The following TMBIM6 variants were observed in gnomAD, a reference collection of about 807,000 sequenced individuals.
TMBIM6 encodes transmembrane BAX inhibitor motif containing 6.
Under a neutral mutation model 31.4 loss-of-function variants are expected in TMBIM6, and 13 were observed. The ratio of observed to expected loss-of-function variants is 0.41; its 90% CI spans 0.27 to 0.66. The LOEUF (loss-of-function observed/expected upper bound fraction) is 0.66, where lower values mean the gene tolerates loss of function less well. TMBIM6 is among the 30% of genes least tolerant of loss of function. TMBIM6 has a pLI of 0.28. For missense variants in TMBIM6, 275 were observed against 289.5 expected (o/e 0.95, Z 0.36); for synonymous variants, 85 against 101.7 (o/e 0.84, Z 0.99).
chr12:49,742,345 A>G (rs1945312692), intron 1 of TMBIM6: 13 of 1,507,596 alleles, frequency 8.6e-6, no homozygotes, highest in Non-Finnish European at 1.1e-5. Flanking sequence ...CTGCTCAGCA[A>G]GGGCGTCGTT....
chr12:49,741,958 C>T (rs181265043), intron 1 of TMBIM6: 454 of 907,646 alleles, frequency 5.0e-4, no homozygotes, highest in Non-Finnish European at 1.4e-4. Context: ...TAAGTGTAGA[C>T]GCAGGGCCCC....
intron 8 of TMBIM6, among the ~76,000 whole-genome samples, chr12:49,760,111 CAAAAAA>C (rs796352103): frequency 1.6e-4 from 13 of 83,512 alleles, no homozygotes; most frequent in African/African-American, 2.6e-4. Context: ...GACTCCTTCT[CAAAAAA>C]AAAAAAAAAA....
chr12:49,756,524 A>G (rs1315820765), intron 4 of TMBIM6, among the ~76,000 whole-genome samples: 2 of 144,488 alleles, frequency 1.4e-5, no homozygotes, highest in African/African-American at 5.2e-5. Flanking sequence ...GCTCATTGCA[A>G]TCTCTGCCTC....
At chr12:49,746,157 A>T (rs28654319) in intron 1 of TMBIM6, among the ~76,000 whole-genome samples, 13,572 of 149,880 alleles carry the variant, frequency 0.091, 1,125 homozygotes, top group African/African-American at 0.23. Flanking sequence ...ATCTCGGCTC[A>T]CTGCAACCTC....
chr12:49,759,150 A>G, intron 7 of TMBIM6, 71 bp from the exon 8 acceptor site: 2 of 1,326,318 alleles, frequency 1.5e-6, no homozygotes, highest in East Asian at 2.3e-5. Context: ...ACTATGAGCC[A>G]GAAAGTATGG....
At chr12:49,749,435 A>ATTTTTTTTTTTT (rs372622355) in intron 1 of TMBIM6, among the ~76,000 whole-genome samples, 1,575 of 136,172 alleles carry the variant, frequency 0.012, 66 homozygotes, top group African/African-American at 0.045. Context: ...TTTGTAAGTC[A>ATTTTTTTTTTTT]TTTTTGTTTT....
intron 3 of TMBIM6, among the ~76,000 whole-genome samples, chr12:49,755,384 G>A (rs923944110): frequency 2.0e-5 from 3 of 152,102 alleles, no homozygotes; most frequent in African/African-American, 7.2e-5. Flanking sequence ...TTGGGTAGTT[G>A]TACTGTAGTT....
chr12:49,744,392 C>T (rs747693644), intron 1 of TMBIM6: 4 of 152,014 alleles, frequency 2.6e-5, no homozygotes, highest in Non-Finnish European at 5.9e-5. Context: ...TGTCTTCTAC[C>T]ACTCTGTTTT....
chr12:49,761,785 T>C lies in TMBIM6; in HGVS notation c.690+6T>C, dbSNP rs1945724605. 10 of 1,614,028 alleles carry C rather than the reference T, an allele frequency of 6.2e-6. No homozygotes were observed. The highest frequency in any genetic ancestry group is 8.5e-6 in the Non-Finnish European group (10 of 1,179,882). On this transcript the variant is annotated splice_donor_region_variant and intron_variant, in intron 9 of 9. Coordinates refer to ENST00000267115, the MANE Select transcript of TMBIM6 (RefSeq NM_003217.3). ...TCCTGGCCATGAATGAAAAGGTTAG[T>C]TAGCCTACAACCCAAAGATGAGACA...
At chr12:49,755,580 A>T in intron 3 of TMBIM6, 55 bp from the exon 4 acceptor site, 1 of 1,599,934 alleles carries the variant, frequency 6.3e-7, no homozygotes, top group Non-Finnish European at 8.5e-7. Flanking sequence ...GTCTCTTGCA[A>T]AATAAATTTG....
chr12:49,757,219 T>C (rs1309044217), intron 4 of TMBIM6, among the ~76,000 whole-genome samples: 1 of 152,194 alleles, frequency 6.6e-6, no homozygotes, highest in African/African-American at 2.4e-5. Context: ...CCCCATCCAT[T>C]AGGGGAAACT....
intron 1 of TMBIM6, among the ~76,000 whole-genome samples, chr12:49,747,828 A>G (rs1387940427): frequency 1.3e-5 from 2 of 152,150 alleles, no homozygotes; most frequent in South Asian, 2.1e-4. Context: ...GCTTTTGGCT[A>G]CTTCAGCATG....
At chr12:49,743,136 C>G (rs1337301904) in intron 1 of TMBIM6, among the ~76,000 whole-genome samples, 2 of 151,938 alleles carry the variant, frequency 1.3e-5, no homozygotes, top group Admixed American at 1.3e-4. Context: ...TGGACGTCAC[C>G]AGCTCCAGCT....
intron 1 of TMBIM6, among the ~76,000 whole-genome samples, chr12:49,744,983 T>A (rs933788656): frequency 2.0e-5 from 3 of 152,012 alleles, no homozygotes; most frequent in African/African-American, 7.3e-5. Flanking sequence ...AGGCATTTCA[T>A]CTCCAGTTAC....
chr12:49,742,150 C>G (rs1456626166), intron 1 of TMBIM6: 1 of 1,612,324 alleles, frequency 6.2e-7, no homozygotes, highest in South Asian at 1.1e-5. Context: ...TCACACTCCT[C>G]TGTGACACGC....
In TMBIM6 at chr12:49,753,061, A is replaced by C. The variant is rs1488494219; in HGVS notation, c.145A>C (p.Met49Leu). The C allele has an allele frequency of 1.2e-6, 2 of 1,613,628 alleles. No homozygotes were observed. Among genetic ancestry groups the C allele is most frequent in the East Asian group, 4.5e-5 (2 of 44,866 alleles). Residue 49 changes from methionine (M) to leucine (L), a missense_variant, in exon 3 of 10, where the codon ATG (methionine) becomes CTG (leucine). Transcript: ENST00000267115. ...FVAAAGAYVH[M>L]VTHFIQAGLL... ...GGCGGCTGCAGGGGCCTATGTCCAT[A>C]TGGTCACTCATTTCATTCAGGTAAG...
At chr12:49,753,192 G>A (rs1945528303) in intron 3 of TMBIM6, 111 bp downstream of exon 3, 1 of 728,336 alleles carries the variant, frequency 1.4e-6, no homozygotes, top group Non-Finnish European at 2.2e-6. Context: ...TTTATCAGTA[G>A]TTTAGGATTT....
intron 3 of TMBIM6, 71 bp from the exon 4 acceptor site, chr12:49,755,564 A>G (rs17123927): frequency 0.075 from 119,627 of 1,586,074 alleles, 6,009 homozygotes; most frequent in African/African-American, 0.26. Flanking sequence ...TTTGAACCCA[A>G]TAAAGGTCTC....
intron 1 of TMBIM6, chr12:49,749,950 A>G (rs533225835): frequency 6.6e-6 from 1 of 152,234 alleles, no homozygotes; most frequent in African/African-American, 2.4e-5. Flanking sequence ...AATATTTGGT[A>G]GTTACATGTT....
Sources: allele counts gnomAD v4.1 joint callset (sites outside exome capture counted in the v4.1 genomes callset), GRCh38; gene constraint gnomAD v4.1.1; transcripts MANE v1.5; gene names NCBI Gene and HGNC (gene_info 2026-07-23, HGNC 2026-07-21).